NPHS1: variants seen among roughly 807,000 people sequenced by gnomAD.
NPHS1 encodes nephrin.
A neutral mutation model predicts 139.7 loss-of-function variants in NPHS1; 107 were observed. That is an observed-to-expected ratio of 0.77 (90% CI 0.66 to 0.90). The LOEUF (loss-of-function observed/expected upper bound fraction) is 0.90, where lower values mean the gene tolerates loss of function less well. NPHS1 is among the 40% of genes least tolerant of loss of function. The pLI is 0.00. For missense variants in NPHS1, 1,580 were observed against 1,654.2 expected (o/e 0.96, Z 0.78); for synonymous variants, 707 against 706.6 (o/e 1.00, Z -0.01).
At chr19:35,830,764 G>T in intron 28 of NPHS1, 80 bp downstream of exon 28, 1 of 881,196 alleles carries the variant, frequency 1.1e-6, no homozygotes, top group Non-Finnish European at 2.0e-6. Flanking sequence ...GCAGCTAGCT[G>T]GCCCTAACTA....
chr19:35,839,440 A>T, intron 21 of NPHS1, 22 bp from the exon 22 acceptor site: 2 of 1,613,996 alleles, frequency 1.2e-6, no homozygotes. Context: ...GGGGATAGTA[A>T]ATTCAGGGAA....
In NPHS1 at chr19:35,848,979, T is replaced by C. The variant is rs780719709; in HGVS notation, c.1009A>G (p.Thr337Ala). ...TQEHGITLQV[T>A]FPPSAIIILG... ...GGCAGCTGGCACCAGGACTCACAGG[T>C]GACCTGCAGTGTGATGCCGTGCTCC... Residue 337 changes from threonine (T) to alanine (A), a missense_variant, in exon 8 of 29, where the codon ACC (threonine) becomes GCC (alanine). By Grantham distance (58) the Thr-to-Ala change is moderately conservative. Coordinates refer to ENST00000378910, the MANE Select transcript of NPHS1 (RefSeq NM_004646.4). 1.1e-5 allele frequency: 18 copies of C among 1,611,702 alleles called. 2 individuals are homozygous for C. In the South Asian group the frequency reaches 2.0e-4, roughly 18 times the overall value.
chr19:35,848,914 GC>G, intron 8 of NPHS1, 61 bp downstream of exon 8: 1 of 1,609,646 alleles, frequency 6.2e-7, no homozygotes, highest in Non-Finnish European at 8.5e-7. Flanking sequence ...TAATTTGGGG[GC>G]ACACACAGAT....
At chr19:35,835,025 C>T (rs1471363330) in intron 23 of NPHS1, among the ~76,000 whole-genome samples, 2 of 151,384 alleles carry the variant, frequency 1.3e-5, no homozygotes, top group South Asian at 2.1e-4. Context: ...TGGTGAAACC[C>T]CGTCCCTACT....
At chr19:35,848,191 A>T (rs779104005) in intron 10 of NPHS1, 26 bp from the exon 11 acceptor site, 1 of 1,613,982 alleles carries the variant, frequency 6.2e-7, no homozygotes, top group Admixed American at 1.7e-5. Context: ...AGGAAGAATG[A>T]CTTTTTCTCT....
At position 35,835,707 on chromosome 19, in the gene NPHS1, G is replaced by A; in HGVS notation, c.3164C>T (p.Ser1055Leu). 6.2e-7 allele frequency: 1 copy of A among 1,613,572 alleles called. No individual in the cohort carries two copies. Among genetic ancestry groups the A allele is most frequent in the Non-Finnish European group, 8.5e-7 (1 of 1,179,712 alleles). Residue 1055 changes from serine to leucine, a missense_variant and splice_region_variant, in exon 23 of 29, where the codon TCA becomes TTA. Physicochemically the swap from Ser to Leu is moderately radical, Grantham distance 145. Coordinates refer to ENST00000378910, the MANE Select transcript of NPHS1 (RefSeq NM_004646.4). ...PEDQLPTEPP[S>L]GPSGLPLLPV... ...GGATCAGGGGACTGAGGACTTGCCT[G>A]AAGGTGGCTCTGTGGGCAGCTGGTC... is the stretch of plus-strand genomic sequence containing the variant.
rs371612499 is a variant in NPHS1 at position 35,837,794 on chromosome 19, G to C, written c.3109+1443C>G. On this transcript the variant is annotated intron_variant, in intron 22 of 28. Transcript: ENST00000378910. ...ATTTTGTATTTTCAGTAGAGACAGGGTTTTTCCATGTTGGTCAGGCTGGTC... is the reference window on the plus strand; with the variant it reads ...ATTTTGTATTTTCAGTAGAGACAGGCTTTTTCCATGTTGGTCAGGCTGGTC... 8.6e-4 allele frequency among the ~76,000 whole-genome samples: 131 copies of C among 152,036 alleles called. 3 individuals are homozygous for C. The East Asian group carries it at 0.015, about 18-fold the overall frequency.
chr19:35,831,255 G>A (rs767238981), intron 26 of NPHS1, 41 bp downstream of exon 26: 16 of 1,609,982 alleles, frequency 9.9e-6, no homozygotes, highest in South Asian at 6.6e-5. Context: ...AGTCGCCGTC[G>A]GTGCCCTGAT....
chr19:35,846,154 G>T lies in NPHS1; in HGVS notation c.1481C>A (p.Ser494Ter). 6.3e-7 allele frequency: 1 copy of T among 1,596,084 alleles called. No individual in the cohort carries two copies. Among genetic ancestry groups the T allele is most frequent in the Non-Finnish European group, 8.5e-7 (1 of 1,173,082 alleles). The change falls in exon 12 of 29, where the codon TCG becomes TAG. Residue 494 changes from serine to a stop codon, truncating the protein, a stop_gained. Transcript: ENST00000378910. LOFTEE classifies it high-confidence loss of function. ...TVTESRLPQE[S>*]RRVHLGSVEK... Reference sequence around the variant, plus strand: ...CACGCTGCCGAGATGCACGCGCCGCGACTCCTGCGGCAGCCGCGACTCGGT... The same window carrying T: ...CACGCTGCCGAGATGCACGCGCCGCTACTCCTGCGGCAGCCGCGACTCGGT...
chr19:35,837,948 A>AC (rs1568451539), intron 22 of NPHS1, among the ~76,000 whole-genome samples: 8 of 151,212 alleles, frequency 5.3e-5, no homozygotes, highest in African/African-American at 1.9e-4. Flanking sequence ...TAAAAAAAAA[A>AC]AAAAAAAAAA....
chr19:35,840,524 C>T (rs1171304899), intron 20 of NPHS1, among the ~76,000 whole-genome samples: 5 of 147,842 alleles, frequency 3.4e-5, no homozygotes, highest in Admixed American at 1.4e-4. Context: ...TTAGTACAGA[C>T]GGGTTTTCAC....
intron 1 of NPHS1, 37 bp from the exon 2 acceptor site, chr19:35,851,709 G>A (rs1250647300): frequency 1.3e-5 from 20 of 1,585,798 alleles, no homozygotes; most frequent in Non-Finnish European, 1.6e-5. Flanking sequence ...AGGGCAGAGG[G>A]TTTGTCTAGG....
In NPHS1 at chr19:35,851,559, G is replaced by A. The variant is rs1973262633; in HGVS notation, c.172C>T (p.Pro58Ser). ...SVELRCGVSTPGSAVQWAKDG... is the reference protein window; with the variant it reads ...SVELRCGVSTSGSAVQWAKDG... ...TTGGCCCATTGCACCGCACTGCCAG[G>A]GGTGCTGACCCCACAACGCAGCTCC... The change falls in exon 2 of 29, where the codon CCT becomes TCT. Residue 58 changes from proline (P) to serine (S), a missense_variant. Pro to Ser is a moderately conservative substitution (Grantham distance 74, BLOSUM62 -1). Transcript: ENST00000378910. 3 of 1,613,898 alleles carry A rather than the reference G, an allele frequency of 1.9e-6. No homozygotes were observed. Among genetic ancestry groups the A allele is most frequent in the African/African-American group, 1.3e-5 (1 of 75,032 alleles).
intron 11 of NPHS1, 41 bp downstream of exon 11, chr19:35,848,000 C>G (rs746375539): frequency 1.2e-6 from 2 of 1,608,464 alleles, no homozygotes. Flanking sequence ...GTCCTTCCCC[C>G]ACATTCCTGG....
chr19:35,847,751 A>T (rs1181541294), intron 11 of NPHS1, among the ~76,000 whole-genome samples: 1 of 151,122 alleles, frequency 6.6e-6, no homozygotes, highest in Non-Finnish European at 1.5e-5. Flanking sequence ...TTTCACTAGA[A>T]TTTTCTTTAA....
Position 35,844,068 on chromosome 19 carries a change from GGGTGGGTGTGGTTTCCAT to G in NPHS1, c.2212+17_2212+34del, listed in dbSNP as rs1599842538. 2 of 1,601,720 alleles carry G rather than the reference GGGTGGGTGTGGTTTCCAT, an allele frequency of 1.2e-6. No individual in the cohort carries two copies. The highest frequency in any genetic ancestry group is 4.5e-5 in the East Asian group (2 of 44,774). On this transcript the variant is annotated intron_variant, in intron 16 of 28. Coordinates refer to ENST00000378910, the MANE Select transcript of NPHS1 (RefSeq NM_004646.4). ...GACTCCACAATGGGCAAGGTTCCTT[GGGTGGGTGTGGTTTCCAT>G]GGTGGGCGGGGCTCACAGTGCACGT... is the stretch of plus-strand genomic sequence containing the variant.
In NPHS1 at chr19:35,851,823, C is replaced by T. The variant is rs1047757821; in HGVS notation, c.15G>A (p.Thr5=). Residue 5 remains threonine (T), a synonymous_variant, in exon 1 of 29, where the codon ACG becomes ACA. Coordinates refer to ENST00000378910, the MANE Select transcript of NPHS1 (RefSeq NM_004646.4). MALG[T]TLRASLLLLG... is the part of the protein sequence containing the mutation. The stretch of plus-strand genomic sequence containing the variant: ...GGAGCAGGAGAGAAGCCCTGAGCGT[C>T]GTCCCCAGGGCCATCACAGGTCCCC... The T allele has an allele frequency of 2.6e-6, 4 of 1,552,008 alleles. No homozygotes were observed. The highest frequency in any genetic ancestry group is 2.6e-6 in the Non-Finnish European group (3 of 1,147,398).
At position 35,845,231 on chromosome 19, in the gene NPHS1, C is replaced by T; in HGVS notation, c.1930+137G>A. The T allele has an allele frequency of 1.0e-6, 1 of 976,006 alleles. No individual in the cohort carries two copies. Among genetic ancestry groups the T allele is most frequent in the South Asian group, 1.4e-5 (1 of 70,230 alleles). The allele number at this position is 976,006 out of a possible 1,614,324, so 60.5% of individuals were successfully genotyped here. A position where few individuals can be genotyped will look rare whatever the true frequency, so the allele number is the denominator to read the frequency against. ...ACTGCAGTGACCTATGATTGCGTCA[C>T]TGCATTGCAGCCTGAGCGACAAAAA... is the stretch of plus-strand genomic sequence containing the variant. On this transcript the variant is annotated intron_variant, in intron 14 of 28. Coordinates refer to ENST00000378910, the MANE Select transcript of NPHS1 (RefSeq NM_004646.4). The surrounding 1 kb of genome is among the most constrained non-coding windows in gnomAD (Gnocchi z 5.5).
rs373311685 is a variant in NPHS1, at chr19:35,848,595, C to T, written c.1170+42G>A. 47 of 1,610,588 alleles carry T rather than the reference C, an allele frequency of 2.9e-5. No individual in the cohort carries two copies. In the African/African-American group the frequency reaches 5.5e-4, roughly 19 times the overall value. ...CCCTATCCACGAGTCATGCCCTCAG[C>T]CCCCTCCATGCTCAGACCCAGGAGC... On this transcript the variant is annotated intron_variant, in intron 9 of 28. Transcript: ENST00000378910.
Sources: allele counts gnomAD v4.1 joint callset (sites outside exome capture counted in the v4.1 genomes callset), GRCh38; gene constraint gnomAD v4.1.1; non-coding constraint Gnocchi (gnomAD v3.1); transcripts MANE v1.5; gene names NCBI Gene and HGNC (gene_info 2026-07-23, HGNC 2026-07-21).